Variants in SP140L observed in about 807,000 individuals in gnomAD.
The protein encoded by SP140L is SP140 like nuclear body protein.
A neutral mutation model predicts 84.3 loss-of-function variants in SP140L; 64 were observed. That is an observed-to-expected ratio of 0.76 (90% confidence interval 0.62 to 0.94). The LOEUF is 0.94. Ranked by LOEUF, SP140L falls within the 40% of genes least tolerant of loss-of-function variation. The probability of loss-of-function intolerance (pLI) is 0.00; values close to 1 mark genes in which losing one functional copy is unlikely to be tolerated. For synonymous variants in SP140L, 242 were observed against 236.9 expected, an observed-to-expected ratio of 1.02 and a Z score of -0.20; for missense variants, 628 against 692.5, an observed-to-expected ratio of 0.91 and a Z score of 1.05.
intron 10 of SP140L, 42 bp from the exon 11 acceptor site, chr2:230,389,877 C>T: frequency 7.5e-6 from 12 of 1,591,496 alleles, no homozygotes; most frequent in Non-Finnish European, 9.5e-6. Flanking sequence ...GGGGGATGTG[C>T]CTTTGCAAAG....
intron 2 of SP140L, among the ~76,000 whole-genome samples, chr2:230,346,767 T>G (rs1044219276): frequency 6.6e-6 from 1 of 152,192 alleles, no homozygotes; most frequent in Non-Finnish European, 1.5e-5. Flanking sequence ...GCATTATATT[T>G]TGTTTATATA....
At chr2:230,367,288 T>C (rs2060912041) in intron 5 of SP140L, among the ~76,000 whole-genome samples, 1 of 104,316 alleles carries the variant, frequency 9.6e-6, no homozygotes, top group African/African-American at 4.1e-5. Context: ...CTTTCTTTCT[T>C]TTTTTTCTTT....
intron 2 of SP140L, among the ~76,000 whole-genome samples, chr2:230,347,659 C>G (rs187630822): frequency 6.6e-6 from 1 of 152,190 alleles, no homozygotes; most frequent in East Asian, 1.9e-4. Flanking sequence ...GGCAGAGTGG[C>G]TGGCTCGATT....
At chr2:230,399,994 C>T in intron 14 of SP140L, 133 bp from the exon 15 acceptor site, 1 of 831,350 alleles carries the variant, frequency 1.2e-6, no homozygotes, top group African/African-American at 1.7e-5. Context: ...CATATTTTTC[C>T]TTCATATCCC....
intron 13 of SP140L, among the ~76,000 whole-genome samples, chr2:230,396,275 G>A (rs2062044154): frequency 6.6e-6 from 1 of 151,970 alleles, no homozygotes. Flanking sequence ...TAGATATATA[G>A]GTCCAAAAAA....
chr2:230,376,798 A>G (rs1395047744), intron 7 of SP140L, among the ~76,000 whole-genome samples: 2 of 152,196 alleles, frequency 1.3e-5, no homozygotes, highest in Admixed American at 6.5e-5. Context: ...ACCTGGAGGC[A>G]TCACACCGTA....
chr2:230,378,662 T>C (rs897819115), intron 7 of SP140L, among the ~76,000 whole-genome samples: 1 of 152,244 alleles, frequency 6.6e-6, no homozygotes, highest in Non-Finnish European at 1.5e-5. Flanking sequence ...ATGAATTGAC[T>C]TCGCCAATTA....
intron 2 of SP140L, among the ~76,000 whole-genome samples, chr2:230,329,797 C>T (rs897615561): frequency 6.6e-6 from 1 of 152,136 alleles, no homozygotes; most frequent in African/African-American, 2.4e-5. Flanking sequence ...AGTGTCAAAA[C>T]AGATTAATAC....
At position 230,354,881 on chromosome 2, in the gene SP140L, G is replaced by GAAAGAAAGA. The variant is rs1553617500; in HGVS notation, c.108-2921_108-2913dup. ...AGAAAGAAAGAAAGAAAGAAAGAAA[G>GAAAGAAAGA]AAAGAAAGAAAGAAAGGAAAGAGAA... On this transcript the variant is annotated intron_variant, in intron 2 of 18. Coordinates refer to ENST00000415673, the MANE Select transcript of SP140L (RefSeq NM_138402.6). 2.8e-3 allele frequency among the ~76,000 whole-genome samples: 356 copies of GAAAGAAAGA among 125,608 alleles called. 1 individual carries two copies. Among genetic ancestry groups the GAAAGAAAGA allele is most frequent in the East Asian group, 0.013 (57 of 4,258 alleles). 82.4% of individuals were successfully genotyped at this position (125,608 alleles called of 152,430 possible). A position where few individuals can be genotyped will look rare whatever the true frequency, so the allele number is the denominator to read the frequency against.
At chr2:230,348,863 T>C (rs2060284489) in intron 2 of SP140L, among the ~76,000 whole-genome samples, 1 of 152,270 alleles carries the variant, frequency 6.6e-6, no homozygotes. Flanking sequence ...AGAAGATTAC[T>C]ACATAATTTG....
At position 230,401,746 on chromosome 2, in the gene SP140L, A is replaced by C; in HGVS notation, c.1583A>C (p.Gln528Pro). 1 of 1,547,142 alleles carries C rather than the reference A, an allele frequency of 6.5e-7. No homozygotes were observed. The highest frequency in any genetic ancestry group is 1.2e-5 in the South Asian group (1 of 83,630). ...KKRLNEHGYP[Q>P]VEGFVQDMRL... ...AGGCTGAATGAGCACGGTTACCCCC[A>C]AGTGGAGGGGTTTGTACAAGACATG... Residue 528 changes from glutamine to proline, a missense_variant, in exon 18 of 19, where the codon CAA becomes CCA. Physicochemically the swap from Gln to Pro is moderately conservative, Grantham distance 76. Around this residue, in one of 4 missense-constraint regions of SP140L, gnomAD observed 7 missense variants for 51.0 expected, o/e 0.14. Transcript: ENST00000415673.
chr2:230,348,140 A>G (rs965963238), intron 2 of SP140L, among the ~76,000 whole-genome samples: 2 of 152,230 alleles, frequency 1.3e-5, no homozygotes, highest in African/African-American at 4.8e-5. Flanking sequence ...CCCTCTTGAT[A>G]TGGCACTTTG....
At chr2:230,357,017 T>C (rs2060569448) in intron 2 of SP140L, among the ~76,000 whole-genome samples, 1 of 152,208 alleles carries the variant, frequency 6.6e-6, no homozygotes, top group African/African-American at 2.4e-5. Context: ...CAAGTTTTCA[T>C]AACATTTAGG....
At chr2:230,335,384 T>C (rs945898920) in intron 2 of SP140L, among the ~76,000 whole-genome samples, 1 of 152,226 alleles carries the variant, frequency 6.6e-6, no homozygotes, top group African/African-American at 2.4e-5. Context: ...GCCTTTATAA[T>C]GTACAGTGTT....
intron 5 of SP140L, among the ~76,000 whole-genome samples, chr2:230,363,618 A>G (rs2060787572): frequency 1.3e-5 from 2 of 151,616 alleles, no homozygotes; most frequent in African/African-American, 4.9e-5. Context: ...TCCCTTCTGT[A>G]GGTTGTCTCT....
chr2:230,368,973 TGAG>T (rs1429784627), intron 5 of SP140L, among the ~76,000 whole-genome samples: 2 of 152,210 alleles, frequency 1.3e-5, no homozygotes, highest in Non-Finnish European at 2.9e-5. Context: ...GGGTGAGCTA[TGAG>T]GAGATTATTG....
At chr2:230,334,637 T>C (rs1240426080) in intron 2 of SP140L, among the ~76,000 whole-genome samples, 1 of 152,228 alleles carries the variant, frequency 6.6e-6, no homozygotes, top group Non-Finnish European at 1.5e-5. Context: ...AGCAACAGTT[T>C]TTATTTTGTA....
chr2:230,335,829 A>C (rs1030517336), intron 2 of SP140L, among the ~76,000 whole-genome samples: 1 of 152,176 alleles, frequency 6.6e-6, no homozygotes, highest in Non-Finnish European at 1.5e-5. Flanking sequence ...AAATGATGGT[A>C]TCAACAATGG....
chr2:230,341,852 C>T (rs2060053780), intron 2 of SP140L, among the ~76,000 whole-genome samples: 1 of 152,032 alleles, frequency 6.6e-6, no homozygotes, highest in South Asian at 2.1e-4. Context: ...TGCCCGTTCT[C>T]AGATCTCCAG....
Sources: allele counts gnomAD v4.1 joint callset (sites outside exome capture counted in the v4.1 genomes callset), GRCh38; gene constraint gnomAD v4.1.1; regional missense constraint gnomAD v4.1.1; transcripts MANE v1.5; gene names NCBI Gene and HGNC (gene_info 2026-07-23, HGNC 2026-07-21).